The following ZNF236 variants were observed in gnomAD, a reference collection of about 807,000 sequenced individuals.
ZNF236 encodes zinc finger protein 236.
Under a neutral mutation model 191.2 loss-of-function variants are expected in ZNF236, and 50 were observed. The observed-to-expected ratio is 0.26, with a 90% CI of 0.21 to 0.33. The LOEUF (loss-of-function observed/expected upper bound fraction) is 0.33. Among genes scored for constraint, ZNF236 ranks in the 10% least tolerant of loss-of-function variants. The pLI, the probability that ZNF236 is intolerant of heterozygous loss-of-function variation, is 1.00. For synonymous variants in ZNF236, 907 were observed against 928.8 expected, an observed-to-expected ratio of 0.98 and a Z score of 0.43; for missense variants, 1,754 against 2,374.5, an observed-to-expected ratio of 0.74 and a Z score of 5.43.
chr18:76,865,812 T>C (rs990892899), intron 3 of ZNF236, among the ~76,000 whole-genome samples: 10 of 152,370 alleles, frequency 6.6e-5, no homozygotes, highest in African/African-American at 2.4e-4. Flanking sequence ...ATGTAAAGTA[T>C]GCCTCATTAA....
rs78520173 is a variant in ZNF236 at position 76,958,902 on chromosome 18, C to T, written c.5113-785C>T. Among the ~76,000 whole-genome samples the T allele has an allele frequency of 2.1e-3, 317 of 152,322 alleles. 2 individuals carry two copies. Among genetic ancestry groups the T allele is most frequent in the African/African-American group, 7.3e-3 (305 of 41,586 alleles). On this transcript the variant is annotated intron_variant, in intron 28 of 30. Coordinates refer to ENST00000320610, the MANE Select transcript of ZNF236 (RefSeq NM_001306089.2). ...GGTCACATGGAACACACACAGGAAA[C>T]GTGTACTTTTCCCTGACTCCTGCCT...
At chr18:76,957,089 G>A (rs1968540993) in intron 28 of ZNF236, among the ~76,000 whole-genome samples, 1 of 152,192 alleles carries the variant, frequency 6.6e-6, no homozygotes, top group East Asian at 1.9e-4. Context: ...GGCGTGCCAC[G>A]CTGGCCGGGA....
chr18:76,933,792 T>C (rs1437066509), intron 25 of ZNF236, among the ~76,000 whole-genome samples: 1 of 152,202 alleles, frequency 6.6e-6, no homozygotes, highest in Non-Finnish European at 1.5e-5. Flanking sequence ...ATCCTTGATA[T>C]TAAGCAGATG....
chr18:76,969,532 C>T lies in ZNF236; in HGVS notation c.*1193C>T, dbSNP rs992365771. 2 of 152,510 alleles carry T rather than the reference C, an allele frequency of 1.3e-5. No individual in the cohort carries two copies. The highest frequency in any genetic ancestry group is 2.4e-5 in the African/African-American group (1 of 41,442). 9.4% of individuals were successfully genotyped at this position (152,510 alleles called of 1,614,324 possible). On this transcript the variant is annotated 3_prime_UTR_variant, in exon 31 of 31. Coordinates refer to ENST00000320610, the MANE Select transcript of ZNF236 (RefSeq NM_001306089.2). ...AATTGCAGAAAGAGCGTCAGTTTCACCTCCCCACGAGCACTTCAGATCAGT... is the reference window on the plus strand; with the variant it reads ...AATTGCAGAAAGAGCGTCAGTTTCATCTCCCCACGAGCACTTCAGATCAGT...
At chr18:76,829,040 G>T (rs1975089731) in intron 1 of ZNF236, among the ~76,000 whole-genome samples, 1 of 152,118 alleles carries the variant, frequency 6.6e-6, no homozygotes, top group South Asian at 2.1e-4. Flanking sequence ...ACATCACATG[G>T]GTTTAAAACC....
chr18:76,881,233 C>T, intron 8 of ZNF236, 51 bp from the exon 9 acceptor site: 1 of 1,504,464 alleles, frequency 6.6e-7, no homozygotes, highest in Non-Finnish European at 9.1e-7. Flanking sequence ...TTTTGGTAGG[C>T]AGAGTTGGGC....
chr18:76,963,190 C>T (rs1004842416), intron 30 of ZNF236, among the ~76,000 whole-genome samples: 4 of 152,040 alleles, frequency 2.6e-5, no homozygotes, highest in East Asian at 1.9e-4. Context: ...TTTCATCATT[C>T]GATATTATGT....
At position 76,925,192 on chromosome 18, in the gene ZNF236, A is replaced by G. The variant is rs1352353549; in HGVS notation, c.3665A>G (p.Gln1222Arg). 5 of 1,612,446 alleles carry G rather than the reference A, an allele frequency of 3.1e-6. No homozygotes were observed. In the South Asian group the frequency reaches 5.5e-5, roughly 18 times the overall value. Residue 1222 changes from glutamine to arginine, a missense_variant, in exon 22 of 31, where the codon CAG becomes CGG. Transcript: ENST00000320610. The surrounding 1 kb of genome is among the most constrained non-coding windows in gnomAD (Gnocchi z 5.7). ...LDCHVKTHTG[Q>R]KLFSCHVCSN... ...TTCTTGGCTGGGCTTTTCACAGGTC[A>G]GAAGCTCTTCAGCTGTCACGTCTGC...
chr18:76,946,387 A>T (rs1968263800), intron 26 of ZNF236, among the ~76,000 whole-genome samples: 1 of 152,206 alleles, frequency 6.6e-6, no homozygotes, highest in Admixed American at 6.5e-5. Flanking sequence ...TAAATTGCCC[A>T]GTCAAGGGCA....
chr18:76,893,838 T>C (rs1313073558), intron 9 of ZNF236, among the ~76,000 whole-genome samples: 5 of 152,272 alleles, frequency 3.3e-5, no homozygotes, highest in African/African-American at 1.2e-4. Context: ...TGTGAATTAT[T>C]CTTGCAAAGA....
chr18:76,874,884 C>T (rs1976671962), intron 5 of ZNF236, among the ~76,000 whole-genome samples: 1 of 152,202 alleles, frequency 6.6e-6, no homozygotes, highest in African/African-American at 2.4e-5. Context: ...AAGCACTGCA[C>T]TGGCGCCTCC....
chr18:76,930,799 A>G (rs1967825127), intron 25 of ZNF236, among the ~76,000 whole-genome samples: 2 of 152,230 alleles, frequency 1.3e-5, no homozygotes, highest in South Asian at 4.1e-4. Context: ...TGACAGTTTC[A>G]TTCCACACAG....
intron 1 of ZNF236, among the ~76,000 whole-genome samples, chr18:76,827,851 A>G (rs1975060023): frequency 1.3e-5 from 2 of 152,200 alleles, no homozygotes; most frequent in South Asian, 4.1e-4. Flanking sequence ...TATTTTAGCA[A>G]TAATGTGACC....
chr18:76,964,037 TTTTG>T (rs1161251465), intron 30 of ZNF236, among the ~76,000 whole-genome samples: 3 of 152,180 alleles, frequency 2.0e-5, no homozygotes, highest in Non-Finnish European at 2.9e-5. Flanking sequence ...TTCAGTTATC[TTTTG>T]TTTGTTTGTT....
In ZNF236 at chr18:76,968,410, C is replaced by A; in HGVS notation, c.*71C>A. 1 of 1,552,852 alleles carries A rather than the reference C, an allele frequency of 6.4e-7. No individual in the cohort carries two copies. Among genetic ancestry groups the A allele is most frequent in the Non-Finnish European group, 8.6e-7 (1 of 1,162,956 alleles). ...TTGTGAAGAGCAAAGCACTTGGAAT[C>A]TCCGTTTTAAAGCTTCAAGTGTTAA... On this transcript the variant is annotated 3_prime_UTR_variant, in exon 31 of 31. Coordinates refer to ENST00000320610, the MANE Select transcript of ZNF236 (RefSeq NM_001306089.2).
At chr18:76,938,251 G>T (rs889450664) in intron 26 of ZNF236, among the ~76,000 whole-genome samples, 1 of 151,916 alleles carries the variant, frequency 6.6e-6, no homozygotes, top group Admixed American at 6.6e-5. Context: ...TTGGCCAGGC[G>T]TGGCAGTACA....
At chr18:76,908,784 T>C (rs1599384212) in intron 14 of ZNF236, among the ~76,000 whole-genome samples, 1 of 152,344 alleles carries the variant, frequency 6.6e-6, no homozygotes, top group South Asian at 2.1e-4. Flanking sequence ...TTAGGGGAAG[T>C]TCTTTTTTGA....
rs754788751 is a variant in ZNF236, at chr18:76,956,096, C to T, written c.5026C>T (p.His1676Tyr). 15 of 1,590,002 alleles carry T rather than the reference C, an allele frequency of 9.4e-6. No individual in the cohort carries two copies. In the South Asian group the frequency reaches 1.1e-4, roughly 12 times the overall value. Residue 1676 changes from histidine (H) to tyrosine (Y), a missense_variant, in exon 28 of 31, where the codon CAC becomes TAC. Physicochemically the swap from His to Tyr is moderately conservative, Grantham distance 83 (BLOSUM62 2). Around this residue, in one of 5 missense-constraint regions of ZNF236, gnomAD observed 606 missense variants for 761.5 expected, o/e 0.80. Coordinates refer to ENST00000320610, the MANE Select transcript of ZNF236 (RefSeq NM_001306089.2). Reference protein sequence around the residue: ...RAFSSAAVLMHHSKEVHGRER... With the variant: ...RAFSSAAVLMYHSKEVHGRER... ...CTTCTCATCGGCGGCGGTGCTCATG[C>T]ACCACAGCAAGGAGGTGCATGGCCG...
intron 1 of ZNF236, 22 bp from the exon 2 acceptor site, chr18:76,849,504 C>T (rs777120102): frequency 2.6e-5 from 42 of 1,588,040 alleles, no homozygotes; most frequent in Non-Finnish European, 3.6e-5. Context: ...TATTTATTGT[C>T]TATACTTATG....
Sources: allele counts gnomAD v4.1 joint callset (sites outside exome capture counted in the v4.1 genomes callset), GRCh38; gene constraint gnomAD v4.1.1; regional missense constraint gnomAD v4.1.1; non-coding constraint Gnocchi (gnomAD v3.1); transcripts MANE v1.5; gene names NCBI Gene and HGNC (gene_info 2026-07-23, HGNC 2026-07-21).